The following PCCB variants were observed in gnomAD, a reference collection of about 807,000 sequenced individuals.
The protein encoded by PCCB is propionyl-CoA carboxylase subunit beta.
A neutral mutation model predicts 60.7 loss-of-function variants in PCCB; 43 were observed. The observed-to-expected ratio is 0.71, with a 90% confidence interval of 0.55 to 0.91. The LOEUF is 0.91. Ranked by LOEUF, PCCB falls within the 40% of genes least tolerant of loss-of-function variation. The pLI is 0.00. For missense variants in PCCB, 766 were observed against 702.8 expected (o/e 1.09, Z -1.02); for synonymous variants, 276 against 255.9 (o/e 1.08, Z -0.75).
At chr3:136,307,592 A>G (rs1480293170) in intron 9 of PCCB, among the ~76,000 whole-genome samples, 2 of 152,298 alleles carry the variant, frequency 1.3e-5, no homozygotes, top group South Asian at 2.1e-4. Context: ...ACTCACATAA[A>G]CAGTATATAT....
chr3:136,271,698 A>C (rs1355778177), intron 5 of PCCB, among the ~76,000 whole-genome samples: 1 of 152,136 alleles, frequency 6.6e-6, no homozygotes, highest in Non-Finnish European at 1.5e-5. Context: ...TTATTTGTCT[A>C]TATTAATTTT....
intron 9 of PCCB, among the ~76,000 whole-genome samples, chr3:136,316,375 G>A (rs838202): frequency 0.36 from 54,750 of 151,900 alleles, 12,250 homozygotes; most frequent in East Asian, 0.81. Flanking sequence ...GAGTGCAGTG[G>A]CATAATCTTG....
At chr3:136,254,572 G>A (rs1941614672) in intron 1 of PCCB, among the ~76,000 whole-genome samples, 1 of 104,074 alleles carries the variant, frequency 9.6e-6, no homozygotes, top group Non-Finnish European at 1.8e-5. Flanking sequence ...TCGCTTTGTT[G>A]CTCAGGCTGG....
intron 5 of PCCB, among the ~76,000 whole-genome samples, chr3:136,282,675 TAAGAA>T (rs913518516): frequency 6.6e-6 from 1 of 152,224 alleles, no homozygotes; most frequent in Non-Finnish European, 1.5e-5. Context: ...TTCAAAGTAT[TAAGAA>T]AAGAGAACTA....
intron 10 of PCCB, among the ~76,000 whole-genome samples, chr3:136,325,483 A>C (rs1935272336): frequency 6.6e-6 from 1 of 151,162 alleles, no homozygotes; most frequent in Non-Finnish European, 1.5e-5. Flanking sequence ...AAGCCTTCTG[A>C]GTAGCTGGGA....
At chr3:136,273,206 T>C (rs1408332094) in intron 5 of PCCB, among the ~76,000 whole-genome samples, 1 of 152,182 alleles carries the variant, frequency 6.6e-6, no homozygotes, top group East Asian at 1.9e-4. Context: ...TTTTCTTAAA[T>C]TTGTTGAGAC....
At chr3:136,329,002 C>A in intron 14 of PCCB, 145 bp downstream of exon 14, 2 of 723,976 alleles carry the variant, frequency 2.8e-6, no homozygotes, top group Non-Finnish European at 5.1e-6. Context: ...CCTGGGCAGT[C>A]ATCACTTGGA....
At chr3:136,318,768 ATAT>A (rs146936874) in intron 10 of PCCB, among the ~76,000 whole-genome samples, 2,947 of 152,316 alleles carry the variant, frequency 0.019, 96 homozygotes, top group African/African-American at 0.067. Context: ...TGGCTGAATA[ATAT>A]TATGTTGCAT....
At chr3:136,253,804 GTTATT>G (rs1015835150) in intron 1 of PCCB, among the ~76,000 whole-genome samples, 5 of 151,232 alleles carry the variant, frequency 3.3e-5, no homozygotes, top group African/African-American at 7.3e-5. Flanking sequence ...TACCCTGCTA[GTTATT>G]TTATTTTATT....
At chr3:136,328,724 G>T in intron 13 of PCCB, 34 bp from the exon 14 acceptor site, 2 of 1,553,046 alleles carry the variant, frequency 1.3e-6, no homozygotes, top group South Asian at 2.2e-5. Flanking sequence ...AGGTTGGGAC[G>T]ACCAAAGATG....
At chr3:136,308,789 C>T (rs958674088) in intron 9 of PCCB, among the ~76,000 whole-genome samples, 1 of 152,110 alleles carries the variant, frequency 6.6e-6, no homozygotes, top group African/African-American at 2.4e-5. Context: ...ACAAAAGTAG[C>T]CTCCAGCCGG....
chr3:136,290,438 G>T (rs1241592539), intron 6 of PCCB, among the ~76,000 whole-genome samples: 1 of 151,922 alleles, frequency 6.6e-6, no homozygotes, highest in Non-Finnish European at 1.5e-5. Context: ...TTTTCTTGTG[G>T]CTGCCTTTAG....
intron 10 of PCCB, among the ~76,000 whole-genome samples, chr3:136,317,892 T>A (rs1403083886): frequency 1.3e-5 from 2 of 152,138 alleles, no homozygotes; most frequent in Non-Finnish European, 2.9e-5. Flanking sequence ...CTGGGAGGGA[T>A]TGGGAGTGCT....
intron 6 of PCCB, among the ~76,000 whole-genome samples, chr3:136,290,713 C>G (rs1337317132): frequency 9.0e-6 from 1 of 111,002 alleles, no homozygotes; most frequent in East Asian, 2.8e-4. Flanking sequence ...TTGATGGTCT[C>G]TGAGTTTATT....
chr3:136,281,431 C>G (rs1234425303), intron 5 of PCCB, among the ~76,000 whole-genome samples: 1 of 151,566 alleles, frequency 6.6e-6, no homozygotes, highest in Non-Finnish European at 1.5e-5. Context: ...CAGTTATTGT[C>G]AACTCCAGGC....
At chr3:136,323,605 G>A (rs1345269798) in intron 10 of PCCB, among the ~76,000 whole-genome samples, 1 of 152,120 alleles carries the variant, frequency 6.6e-6, no homozygotes, top group East Asian at 1.9e-4. Context: ...CCAATGTGGT[G>A]AAACCCTGTC....
intron 6 of PCCB, among the ~76,000 whole-genome samples, chr3:136,286,819 C>G (rs911615563): frequency 1.3e-5 from 2 of 151,846 alleles, no homozygotes; most frequent in African/African-American, 4.8e-5. Context: ...TCACTTGAGG[C>G]TAGTAGTTTG....
chr3:136,292,555 G>T (rs1253882448), intron 6 of PCCB, among the ~76,000 whole-genome samples: 1 of 152,134 alleles, frequency 6.6e-6, no homozygotes, highest in East Asian at 1.9e-4. Flanking sequence ...ATTGGTGAAA[G>T]TTATGATACA....
intron 5 of PCCB, among the ~76,000 whole-genome samples, chr3:136,265,605 C>T (rs1295785945): frequency 6.6e-6 from 1 of 152,070 alleles, no homozygotes; most frequent in Admixed American, 6.6e-5. Flanking sequence ...CTACTGTGAA[C>T]ATTTGTGTAT....
Sources: allele counts gnomAD v4.1 joint callset (sites outside exome capture counted in the v4.1 genomes callset), GRCh38; gene constraint gnomAD v4.1.1; transcripts MANE v1.5; gene names NCBI Gene and HGNC (gene_info 2026-07-23, HGNC 2026-07-21).